CLEC9A: variants seen among roughly 807,000 people sequenced by gnomAD.
CLEC9A encodes the protein C-type lectin domain family 9 member A.
CLEC9A carries 24 observed loss-of-function variants against 30.0 expected under a neutral mutation model. That is an observed-to-expected ratio of 0.80 (90% CI 0.58 to 1.13). The LOEUF is 1.13. Ranked by LOEUF, CLEC9A falls within the 50% of genes most tolerant of loss-of-function variation. CLEC9A has a pLI of 0.00. For synonymous variants in CLEC9A, 111 were observed against 96.8 expected, an observed-to-expected ratio of 1.15 and a Z score of -0.86; for missense variants, 251 against 280.9, an observed-to-expected ratio of 0.89 and a Z score of 0.76.
intron 5 of CLEC9A, among the ~76,000 whole-genome samples, chr12:10,055,167 C>T (rs1344445105): frequency 6.6e-6 from 1 of 152,172 alleles, no homozygotes; most frequent in Admixed American, 6.5e-5. Context: ...ATTGTTACTT[C>T]GTCTGTCTCC....
intron 1 of CLEC9A, among the ~76,000 whole-genome samples, chr12:10,038,665 G>A (rs1332562834): frequency 1.3e-5 from 2 of 152,234 alleles, no homozygotes; most frequent in Non-Finnish European, 2.9e-5. Context: ...AAAATAGACA[G>A]CATCCTCCCC....
chr12:10,034,277 T>C (rs968464517), intron 1 of CLEC9A, among the ~76,000 whole-genome samples: 3 of 152,318 alleles, frequency 2.0e-5, no homozygotes, highest in South Asian at 2.1e-4. Context: ...GCAGCTGTCA[T>C]AGTGGAAGTA....
At chr12:10,039,180 A>G (rs373016941) in intron 1 of CLEC9A, among the ~76,000 whole-genome samples, 113 of 151,782 alleles carry the variant, frequency 7.4e-4, no homozygotes, top group Admixed American at 3.6e-3. Context: ...GATCCTGTGC[A>G]TGGGGATGGT....
intron 5 of CLEC9A, among the ~76,000 whole-genome samples, chr12:10,056,047 A>T (rs1331083360): frequency 9.0e-6 from 1 of 111,596 alleles, no homozygotes; most frequent in Non-Finnish European, 1.7e-5. Context: ...TGACAGAGTG[A>T]GACTCTGTCT....
chr12:10,048,972 A>T (rs917585510), intron 2 of CLEC9A, among the ~76,000 whole-genome samples: 2 of 152,164 alleles, frequency 1.3e-5, no homozygotes, highest in African/African-American at 4.8e-5. Flanking sequence ...TGATAGCCTT[A>T]TGAAATTTAT....
rs60284724 is a variant in CLEC9A at position 10,043,670 on chromosome 12, G to GTA, written c.-163+2069_-163+2070dup. On this transcript the variant is annotated intron_variant, in intron 2 of 8. Transcript: ENST00000355819. The stretch of plus-strand genomic sequence containing the variant: ...TTGCTCTGATTCTCTGCATATATAT[G>GTA]TATATATATATATATATATAGACAG... 7.1e-3 allele frequency among the ~76,000 whole-genome samples: 1,045 copies of GTA among 146,232 alleles called. 7 individuals are homozygous for GTA. The highest frequency in any genetic ancestry group is 0.024 in the African/African-American group (964 of 39,478).
intron 2 of CLEC9A, among the ~76,000 whole-genome samples, chr12:10,047,184 T>C (rs987660748): frequency 3.9e-5 from 6 of 152,238 alleles, no homozygotes; most frequent in African/African-American, 1.4e-4. Flanking sequence ...GGAGTGAATG[T>C]ATTATTATTT....
intron 2 of CLEC9A, among the ~76,000 whole-genome samples, chr12:10,049,426 T>C (rs1428605373): frequency 6.6e-6 from 1 of 152,238 alleles, no homozygotes; most frequent in Non-Finnish European, 1.5e-5. Flanking sequence ...CCTCTCCAGC[T>C]ATAAAAGTCC....
intron 2 of CLEC9A, among the ~76,000 whole-genome samples, chr12:10,043,566 A>T (rs1865816025): frequency 6.6e-6 from 1 of 150,852 alleles, no homozygotes. Flanking sequence ...TTTATACCTG[A>T]TATTATTCCC....
chr12:10,037,785 C>A (rs1865756063), intron 1 of CLEC9A, among the ~76,000 whole-genome samples: 5 of 152,118 alleles, frequency 3.3e-5, no homozygotes, highest in Admixed American at 2.0e-4. Context: ...ATTTTAGAGC[C>A]ATGGGACATT....
rs981074375 is a variant in CLEC9A, at chr12:10,033,277, G to GT, written c.-318+2315dup. 2.3e-3 allele frequency among the ~76,000 whole-genome samples: 335 copies of GT among 146,136 alleles called. 2 individuals are homozygous for GT. The highest frequency in any genetic ancestry group is 3.9e-3 in the African/African-American group (157 of 39,764). Reference sequence around the variant, plus strand: ...CCAGAATTCAGTTCTTGGTCCTCTTGTTTTTTTTTTAATTTATCCTGGGAT... The same window carrying GT: ...CCAGAATTCAGTTCTTGGTCCTCTTGTTTTTTTTTTTAATTTATCCTGGGAT... On this transcript the variant is annotated intron_variant, in intron 1 of 8. Coordinates refer to ENST00000355819, the MANE Select transcript of CLEC9A (RefSeq NM_207345.4).
At chr12:10,052,253 C>A (rs192255561) in intron 3 of CLEC9A, 159 bp downstream of exon 3, 270 of 159,896 alleles carry the variant, frequency 1.7e-3, no homozygotes, top group Non-Finnish European at 3.1e-3. Flanking sequence ...GATCTCCCAC[C>A]CTTTACACCG....
intron 5 of CLEC9A, among the ~76,000 whole-genome samples, chr12:10,057,929 A>G (rs1250928284): frequency 6.6e-6 from 1 of 152,128 alleles, no homozygotes; most frequent in African/African-American, 2.4e-5. Context: ...TTCTTAATTC[A>G]TCAATTAGGT....
chr12:10,065,628 T>A lies in CLEC9A; in HGVS notation c.722T>A (p.Val241Asp), dbSNP rs1454051304. 8 of 1,613,540 alleles carry A rather than the reference T, an allele frequency of 5.0e-6. No individual in the cohort carries two copies. Among genetic ancestry groups the A allele is most frequent in the Admixed American group, 1.7e-5 (1 of 59,966 alleles). ...GAGAAGTATGCGTTGAGATCCTCTG[T>A]CTGAAAGAAATTGTGTTCAAAGTGT... ...ICEKYALRSS[V>D] is the part of the protein sequence containing the mutation. The change falls in exon 9 of 9, where the codon GTC (valine) becomes GAC (aspartate). Residue 241 changes from valine (V) to aspartate (D), a missense_variant. Transcript: ENST00000355819.
intron 2 of CLEC9A, among the ~76,000 whole-genome samples, chr12:10,044,739 A>G (rs1865830881): frequency 1.3e-5 from 2 of 152,174 alleles, no homozygotes; most frequent in Non-Finnish European, 2.9e-5. Context: ...TACCACTGTC[A>G]GAAATTTTCT....
chr12:10,047,230 A>G (rs375574437), intron 2 of CLEC9A, among the ~76,000 whole-genome samples: 1 of 152,248 alleles, frequency 6.6e-6, no homozygotes, highest in African/African-American at 2.4e-5. Flanking sequence ...GAAACCAAAT[A>G]GGAACTAATA....
At chr12:10,040,479 C>T (rs1865783145) in intron 1 of CLEC9A, among the ~76,000 whole-genome samples, 1 of 144,204 alleles carries the variant, frequency 6.9e-6, no homozygotes, top group African/African-American at 2.6e-5. Context: ...GAGATGGAGT[C>T]TTGCTCTGTC....
At chr12:10,051,833 A>G (rs1328885863) in intron 2 of CLEC9A, among the ~76,000 whole-genome samples, 158 bp from the exon 3 acceptor site, 2 of 152,264 alleles carry the variant, frequency 1.3e-5, no homozygotes, top group African/African-American at 4.8e-5. Context: ...AGTGGTCATC[A>G]AGAGCTTGCT....
intron 1 of CLEC9A, among the ~76,000 whole-genome samples, chr12:10,039,768 T>C (rs1173172999): frequency 6.6e-6 from 1 of 152,212 alleles, no homozygotes; most frequent in African/African-American, 2.4e-5. Context: ...ATCTTTCATT[T>C]ATCATCTTTT....
Sources: gnomAD v4.1 joint callset for allele counts (sites outside exome capture counted in the v4.1 genomes callset) on GRCh38, gnomAD v4.1.1 for gene constraint, MANE v1.5 for transcripts, NCBI Gene and HGNC (gene_info 2026-07-23, HGNC 2026-07-21) for gene names.